Variants in RABL3 observed in about 807,000 individuals in gnomAD.
RABL3 encodes the protein RAB, member of RAS oncogene family like 3, also known as rab-like protein 3.
In RABL3, 31 loss-of-function variants were observed where a neutral mutation model predicts 31.8. That is an observed-to-expected ratio of 0.97 (90% confidence interval 0.73 to 1.31). The LOEUF (loss-of-function observed/expected upper bound fraction) is 1.31. Ranked by LOEUF, RABL3 falls within the 40% of genes most tolerant of loss-of-function variation. The probability of loss-of-function intolerance (pLI) is 0.00; values close to 1 mark genes in which losing one functional copy is unlikely to be tolerated. For synonymous variants in RABL3, 97 were observed against 99.9 expected, an observed-to-expected ratio of 0.97 and a Z score of 0.18; for missense variants, 263 against 279.6, an observed-to-expected ratio of 0.94 and a Z score of 0.42.
intron 5 of RABL3, among the ~76,000 whole-genome samples, chr3:120,694,721 G>A (rs1708417043): frequency 6.6e-6 from 1 of 151,956 alleles, no homozygotes; most frequent in African/African-American, 2.4e-5. Context: ...CAATTGCCAA[G>A]GATTTCTCTT....
At chr3:120,742,541 C>A (rs761654962), upstream of RABL3, 3 of 1,612,574 alleles carry the variant, frequency 1.9e-6, no homozygotes, top group South Asian at 1.1e-5. Context: ...AACGCCTGTT[C>A]CTGGATTGTA....
At chr3:120,731,524 A>G (rs2107595559) in intron 1 of RABL3, among the ~76,000 whole-genome samples, 1 of 152,254 alleles carries the variant, frequency 6.6e-6, no homozygotes, top group East Asian at 1.9e-4. Flanking sequence ...TTCTAAGGGT[A>G]GCATTGAGAG....
intron 5 of RABL3, among the ~76,000 whole-genome samples, chr3:120,697,052 C>T (rs1708445203): frequency 6.6e-6 from 1 of 152,196 alleles, no homozygotes; most frequent in South Asian, 2.1e-4. Flanking sequence ...TCCTGGTCCT[C>T]CTGCCAGGCT....
At position 120,742,466 on chromosome 3, in the gene RABL3, G is replaced by A; in HGVS notation, c.42C>T (p.Asp14=). 2 of 1,614,136 alleles carry A rather than the reference G, an allele frequency of 1.2e-6. No individual in the cohort carries two copies. The highest frequency in any genetic ancestry group is 1.7e-6 in the Non-Finnish European group (2 of 1,179,974). Residue 14 remains aspartate, a synonymous_variant, in exon 1 of 8, where the codon GAC becomes GAT. Transcript: ENST00000273375. ...LDRVKVLVLG[D]SGVGKSSLVH... ...GAGGTAGGGTAAGCCGCTCACCTGA[G>A]TCTCCCAACACCAGTACCTTCACCC...
intron 1 of RABL3, among the ~76,000 whole-genome samples, chr3:120,740,266 A>T (rs1448714803): frequency 6.6e-6 from 1 of 151,380 alleles, no homozygotes; most frequent in East Asian, 1.9e-4. Flanking sequence ...TATTCTTTTT[A>T]TTTTTTTTTC....
intron 5 of RABL3, among the ~76,000 whole-genome samples, chr3:120,694,940 C>T (rs879716541): frequency 2.0e-5 from 3 of 150,134 alleles, no homozygotes; most frequent in South Asian, 2.1e-4. Flanking sequence ...GCCTACTATC[C>T]GCTGGAATTC....
chr3:120,695,272 A>G (rs531986708), intron 5 of RABL3, among the ~76,000 whole-genome samples: 2 of 152,232 alleles, frequency 1.3e-5, no homozygotes, highest in South Asian at 2.1e-4. Flanking sequence ...ATGATAATAC[A>G]TTCTCTAAAA....
rs1197139492 is a variant in RABL3 at position 120,742,453 on chromosome 3, G to C, written c.46+9C>G. On this transcript the variant is annotated intron_variant, in intron 1 of 7. Transcript: ENST00000273375. ...GTCTGGAGCCCCAGAGGTAGGGTAA[G>C]CCGCTCACCTGAGTCTCCCAACACC... 5.0e-6 allele frequency: 8 copies of C among 1,613,930 alleles called. No individual in the cohort carries two copies. The highest frequency in any genetic ancestry group is 5.9e-6 in the Non-Finnish European group (7 of 1,179,812).
intron 5 of RABL3, among the ~76,000 whole-genome samples, chr3:120,697,150 G>GT (rs745630160): frequency 4.6e-5 from 7 of 152,196 alleles, no homozygotes; most frequent in Non-Finnish European, 8.8e-5. Flanking sequence ...TCAGATTTGG[G>GT]TAACTGTTGG....
At position 120,687,872 on chromosome 3, in the gene RABL3, C is replaced by A. The variant is rs778848174; in HGVS notation, c.*1951G>T. The A allele has an allele frequency of 6.6e-6, 1 of 152,024 alleles. No individual in the cohort carries two copies. Among genetic ancestry groups the A allele is most frequent in the African/African-American group, 2.4e-5 (1 of 41,404 alleles). The allele number at this position is 152,024 out of a possible 1,614,324, so 9.4% of individuals were successfully genotyped here. ...AGTGCAGTGACACGATCTTGACTCA[C>A]TGCAACCTCCACCTCCCAGGTTCAA... On this transcript the variant is annotated 3_prime_UTR_variant, in exon 8 of 8. Transcript: ENST00000273375.
At chr3:120,726,607 G>A (rs1436530438) in intron 2 of RABL3, among the ~76,000 whole-genome samples, 1 of 152,104 alleles carries the variant, frequency 6.6e-6, no homozygotes, top group Non-Finnish European at 1.5e-5. Context: ...GCCGGCCATG[G>A]TGGTGTTGTG....
At chr3:120,727,631 A>T (rs375415749) in intron 2 of RABL3, among the ~76,000 whole-genome samples, 20 of 151,476 alleles carry the variant, frequency 1.3e-4, no homozygotes, top group Middle Eastern at 3.4e-3. Context: ...AAAACCCACA[A>T]TGAGATTACA....
At chr3:120,741,667 C>T (rs1289129185) in intron 1 of RABL3, among the ~76,000 whole-genome samples, 1 of 152,010 alleles carries the variant, frequency 6.6e-6, no homozygotes, top group Non-Finnish European at 1.5e-5. Context: ...CTTTTTGCAT[C>T]CACTGAGATT....
chr3:120,705,991 T>C lies in RABL3; in HGVS notation c.383+9A>G, dbSNP rs1039035203. On this transcript the variant is annotated intron_variant, in intron 4 of 7. Transcript: ENST00000273375. ...ACAATCTTTCAAACCAATTGTGAAA[T>C]TGGCTCACCCATTTGTCACCAAGAC... The C allele has an allele frequency of 1.0e-5, 15 of 1,506,492 alleles. No homozygotes were observed. In the Admixed American group the frequency reaches 1.5e-4, roughly 15 times the overall value. The allele number at this position is 1,506,492 out of a possible 1,614,324, so 93.3% of individuals were successfully genotyped here.
intron 1 of RABL3, among the ~76,000 whole-genome samples, chr3:120,739,548 T>C (rs1313152299): frequency 6.6e-6 from 1 of 152,210 alleles, no homozygotes. Context: ...TTAGTGTCAT[T>C]AATTTATATG....
intron 2 of RABL3, 28 bp from the exon 3 acceptor site, chr3:120,709,937 A>T: frequency 6.4e-7 from 1 of 1,550,570 alleles, no homozygotes; most frequent in Non-Finnish European, 8.8e-7. Flanking sequence ...TAAAATAATT[A>T]ATATAGCCAC....
At chr3:120,738,016 G>GCA (rs1708993209) in intron 1 of RABL3, among the ~76,000 whole-genome samples, 1 of 151,104 alleles carries the variant, frequency 6.6e-6, no homozygotes, top group Non-Finnish European at 1.5e-5. Flanking sequence ...CTCAAACTCT[G>GCA]TGCTGGGAGA....
intron 1 of RABL3, among the ~76,000 whole-genome samples, chr3:120,733,088 T>C (rs543682328): frequency 0.018 from 2,758 of 152,302 alleles, 90 homozygotes; most frequent in African/African-American, 0.063. Context: ...AGTAACGGGA[T>C]GGCCGGGTCA....
At chr3:120,699,110 G>A (rs1201929163) in intron 4 of RABL3, among the ~76,000 whole-genome samples, 1 of 151,868 alleles carries the variant, frequency 6.6e-6, no homozygotes, top group Non-Finnish European at 1.5e-5. Context: ...AAAGAAATAA[G>A]AAGAATAAGA....
Sources: allele counts gnomAD v4.1 joint callset (sites outside exome capture counted in the v4.1 genomes callset), GRCh38; gene constraint gnomAD v4.1.1; transcripts MANE v1.5; gene names NCBI Gene and HGNC (gene_info 2026-07-23, HGNC 2026-07-21).